The following DLG2 variants were observed in gnomAD, a reference collection of about 807,000 sequenced individuals.
The protein encoded by DLG2 is disks large homolog 2.
DLG2 carries 45 observed loss-of-function variants against 132.5 expected under a neutral mutation model. The ratio of observed to expected loss-of-function variants is 0.34; its 90% confidence interval spans 0.27 to 0.44. The LOEUF (loss-of-function observed/expected upper bound fraction) is 0.44, where lower values mean the gene tolerates loss of function less well. DLG2 is among the 20% of genes least tolerant of loss of function. DLG2 has a pLI of 1.00. For missense variants in DLG2, 1,045 were observed against 1,196.9 expected (o/e 0.87, Z 1.87); for synonymous variants, 424 against 419.6 (o/e 1.01, Z -0.13).
intron 9 of DLG2, among the ~76,000 whole-genome samples, chr11:84,153,370 T>C (rs568452297): frequency 6.6e-6 from 1 of 151,358 alleles, no homozygotes; most frequent in South Asian, 2.1e-4. Flanking sequence ...ATTTCTTGAA[T>C]TTGCCTGTCA....
At chr11:84,925,608 GAA>G (rs2092948591) in intron 6 of DLG2, among the ~76,000 whole-genome samples, 1 of 152,124 alleles carries the variant, frequency 6.6e-6, no homozygotes, top group Non-Finnish European at 1.5e-5. Context: ...GAATTCATCA[GAA>G]CAGTATATCT....
At chr11:83,841,468 T>G (rs1183823228) in intron 16 of DLG2, among the ~76,000 whole-genome samples, 2 of 152,220 alleles carry the variant, frequency 1.3e-5, no homozygotes, top group African/African-American at 4.8e-5. Context: ...CTCTCCTTAG[T>G]CTCTCTACTC....
chr11:85,263,979 G>A (rs2077075709), intron 4 of DLG2, among the ~76,000 whole-genome samples: 1 of 152,188 alleles, frequency 6.6e-6, no homozygotes, highest in African/African-American at 2.4e-5. Context: ...AGAGGCAGGG[G>A]CTGAAGGGAA....
intron 6 of DLG2, among the ~76,000 whole-genome samples, chr11:84,973,053 G>T (rs1000487295): frequency 6.6e-6 from 1 of 151,762 alleles, no homozygotes; most frequent in Non-Finnish European, 1.5e-5. Flanking sequence ...CTCCTCCCAG[G>T]TTTAAGTGAT....
chr11:84,143,209 C>CCA (rs1213762474), intron 9 of DLG2, among the ~76,000 whole-genome samples: 1 of 152,040 alleles, frequency 6.6e-6, no homozygotes, highest in Non-Finnish European at 1.5e-5. Context: ...CACATGTGAA[C>CCA]ACATGATGAG....
rs188290621 is a variant in DLG2, at chr11:83,824,336, T to C, written c.1722+9278A>G. 7.0e-4 allele frequency among the ~76,000 whole-genome samples: 107 copies of C among 152,222 alleles called. 2 individuals are homozygous for C. The East Asian group carries it at 0.017, about 24-fold the overall frequency. On this transcript the variant is annotated intron_variant, in intron 17 of 27. Coordinates refer to ENST00000376104, the MANE Select transcript of DLG2 (RefSeq NM_001142699.3). ...TACCGTTAGCATTTCCATGTTATAT[T>C]GGAAATAATCTATTTATTTGTCTGT...
intron 6 of DLG2, among the ~76,000 whole-genome samples, chr11:84,595,358 C>A (rs1174933721): frequency 2.0e-5 from 3 of 152,024 alleles, no homozygotes; most frequent in Non-Finnish European, 4.4e-5. Flanking sequence ...AGTGATCCAC[C>A]CACCTCTGCC....
intron 11 of DLG2, among the ~76,000 whole-genome samples, chr11:84,033,539 T>C (rs1201277399): frequency 2.0e-5 from 3 of 152,210 alleles, no homozygotes; most frequent in African/African-American, 4.8e-5. Flanking sequence ...GATGTGAATA[T>C]TGTTGAAATG....
chr11:85,386,717 C>A, intron 3 of DLG2, among the ~76,000 whole-genome samples: 1 of 150,842 alleles, frequency 6.6e-6, no homozygotes, highest in East Asian at 1.9e-4. Flanking sequence ...AGGAGCTTAT[C>A]TTTTTATTTC....
intron 8 of DLG2, among the ~76,000 whole-genome samples, chr11:84,230,659 T>A (rs1234471946): frequency 6.6e-6 from 1 of 152,196 alleles, no homozygotes; most frequent in South Asian, 2.1e-4. Context: ...CAACTCCATA[T>A]GGAAAGCGGA....
chr11:83,578,756 T>C (rs552698816), intron 19 of DLG2, among the ~76,000 whole-genome samples: 2 of 152,320 alleles, frequency 1.3e-5, no homozygotes, highest in African/African-American at 4.8e-5. Context: ...AACAAAAATG[T>C]GAACATTAGC....
intron 6 of DLG2, among the ~76,000 whole-genome samples, chr11:84,697,471 T>G (rs571943924): frequency 6.6e-6 from 1 of 151,646 alleles, no homozygotes; most frequent in South Asian, 2.1e-4. Context: ...TAGTTACTTT[T>G]CAAAAACTAA....
At chr11:84,372,986 T>A (rs1041808959) in intron 7 of DLG2, among the ~76,000 whole-genome samples, 11 of 151,914 alleles carry the variant, frequency 7.2e-5, no homozygotes, top group African/African-American at 2.7e-4. Flanking sequence ...GTTACTGGCA[T>A]ATGTGAATAA....
intron 6 of DLG2, among the ~76,000 whole-genome samples, chr11:84,642,115 A>AGT (rs1565535846): frequency 9.7e-6 from 1 of 103,342 alleles, no homozygotes; most frequent in African/African-American, 4.0e-5. Flanking sequence ...GTGTATATGT[A>AGT]GAGTGTGTGT....
chr11:85,382,065 A>C (rs2085938835), intron 3 of DLG2, among the ~76,000 whole-genome samples: 2 of 152,296 alleles, frequency 1.3e-5, no homozygotes, highest in South Asian at 4.1e-4. Context: ...GACCCAGAAT[A>C]ACCAAAACAA....
chr11:83,739,420 G>A (rs1021995258), intron 18 of DLG2, among the ~76,000 whole-genome samples: 7 of 151,910 alleles, frequency 4.6e-5, no homozygotes, highest in African/African-American at 1.7e-4. Flanking sequence ...AGAACATTAA[G>A]CATACTCAAG....
intron 6 of DLG2, among the ~76,000 whole-genome samples, chr11:84,987,365 A>T (rs576266518): frequency 6.6e-6 from 1 of 152,304 alleles, no homozygotes; most frequent in South Asian, 2.1e-4. Flanking sequence ...TACAAATTCA[A>T]CAAAATTACC....
chr11:85,147,483 G>A (rs1401601570), intron 5 of DLG2, among the ~76,000 whole-genome samples: 1 of 151,988 alleles, frequency 6.6e-6, no homozygotes, highest in Non-Finnish European at 1.5e-5. Context: ...GTTTTAATTA[G>A]TTATTTGTTC....
At chr11:84,667,359 T>C (rs2099700726) in intron 6 of DLG2, among the ~76,000 whole-genome samples, 1 of 151,876 alleles carries the variant, frequency 6.6e-6, no homozygotes, top group African/African-American at 2.4e-5. Flanking sequence ...TAATCACAAA[T>C]ATTAAAAATA....
Sources: gnomAD v4.1 joint callset for allele counts (sites outside exome capture counted in the v4.1 genomes callset) on GRCh38, gnomAD v4.1.1 for gene constraint, MANE v1.5 for transcripts, NCBI Gene and HGNC (gene_info 2026-07-23, HGNC 2026-07-21) for gene names.